Variants in OSBPL3 observed in about 807,000 individuals in gnomAD.
The protein encoded by OSBPL3 is oxysterol-binding protein-related protein 3.
Under a neutral mutation model 120.1 loss-of-function variants are expected in OSBPL3, and 65 were observed. The observed-to-expected ratio is 0.54, with a 90% CI of 0.44 to 0.67. OSBPL3 has a LOEUF of 0.67. Ranked by LOEUF, OSBPL3 falls within the 30% of genes least tolerant of loss-of-function variation. The probability of loss-of-function intolerance (pLI) is 0.00; values close to 1 mark genes in which losing one functional copy is unlikely to be tolerated. For synonymous variants in OSBPL3, 416 were observed against 402.6 expected (o/e 1.03, Z -0.40); for missense variants, 1,004 against 1,082.1 (o/e 0.93, Z 1.01).
intron 5 of OSBPL3, among the ~76,000 whole-genome samples, chr7:24,869,448 T>C (rs1334952764): frequency 3.9e-5 from 6 of 152,214 alleles, no homozygotes; most frequent in South Asian, 2.1e-4. Flanking sequence ...TCTTAAGATA[T>C]AGGCTTTTCC....
intron 1 of OSBPL3, among the ~76,000 whole-genome samples, chr7:24,921,485 T>G (rs1810377189): frequency 6.6e-6 from 1 of 152,226 alleles, no homozygotes; most frequent in South Asian, 2.1e-4. Context: ...TTTGGTCATG[T>G]GCCCAGGCCA....
At position 24,979,963 on chromosome 7, in the gene OSBPL3, G is replaced by A. The variant is rs1480647506; in HGVS notation, c.-227C>T. The A allele has an allele frequency of 2.2e-5, 22 of 983,556 alleles. No homozygotes were observed. The South Asian group carries it at 6.1e-4, about 27-fold the overall frequency. The allele number at this position is 983,556 out of a possible 1,614,324, so 60.9% of individuals were successfully genotyped here. ...GGGTTAGCGCACAGAACCGGGAGAA[G>A]GCAACCCCGGCTTCTCCGGTACCCC... On this transcript the variant is annotated 5_prime_UTR_variant, in exon 1 of 23. Coordinates refer to ENST00000313367, the MANE Select transcript of OSBPL3 (RefSeq NM_015550.4).
At position 24,922,723 on chromosome 7, in the gene OSBPL3, GA is replaced by G. The variant is rs759505103; in HGVS notation, c.-149-30103del. On this transcript the variant is annotated intron_variant, in intron 1 of 22. Coordinates refer to ENST00000313367, the MANE Select transcript of OSBPL3 (RefSeq NM_015550.4). The surrounding 1 kb of genome is among the most constrained non-coding windows in gnomAD (Gnocchi z 4.3). Reference sequence around the variant, plus strand: ...ACCACCTGCTTCACAGCCTTGCTATGAACTCTGTTCTTTGCACGTAATCCCC... The same window carrying G: ...ACCACCTGCTTCACAGCCTTGCTATGACTCTGTTCTTTGCACGTAATCCCC... 1.3e-5 allele frequency among the ~76,000 whole-genome samples: 2 copies of G among 152,082 alleles called. No individual in the cohort carries two copies. Among genetic ancestry groups the G allele is most frequent in the Non-Finnish European group, 2.9e-5 (2 of 68,024 alleles).
At chr7:24,956,142 G>A (rs1001883130) in intron 1 of OSBPL3, among the ~76,000 whole-genome samples, 2 of 152,218 alleles carry the variant, frequency 1.3e-5, no homozygotes, top group Non-Finnish European at 2.9e-5. Context: ...GGATGTGAAC[G>A]CAGTGCTGAT....
In OSBPL3 at chr7:24,871,977, C is replaced by T; in HGVS notation, c.189G>A (p.Lys63=). Residue 63 remains lysine (K), a synonymous_variant, in exon 3 of 23, where the codon AAG becomes AAA. Coordinates refer to ENST00000313367, the MANE Select transcript of OSBPL3 (RefSeq NM_015550.4). This position sits in a 1 kb window ranked among gnomAD's most constrained non-coding sequence, Gnocchi z 4.8. The part of the protein sequence containing the change: ...VQKGFLLKKR[K]WPLKGWHKRF... ...CCTTATGCCAGCCTTTTAAGGGCCA[C>T]TTCCTCTTTTTCAGCAAAAATCCTT... is the stretch of plus-strand genomic sequence containing the variant. 2 of 1,613,596 alleles carry T rather than the reference C, an allele frequency of 1.2e-6. No homozygotes were observed. Among genetic ancestry groups the T allele is most frequent in the South Asian group, 1.1e-5 (1 of 91,068 alleles).
In OSBPL3 at chr7:24,834,034, A is replaced by C. The variant is rs1796694960; in HGVS notation, c.1746+452T>G. 1 of 891,638 alleles carries C rather than the reference A, an allele frequency of 1.1e-6. No individual in the cohort carries two copies. The highest frequency in any genetic ancestry group is 5.1e-5 in the South Asian group (1 of 19,492). The allele number at this position is 891,638 out of a possible 1,614,324, so 55.2% of individuals were successfully genotyped here. On this transcript the variant is annotated intron_variant, in intron 15 of 22. Transcript: ENST00000313367. This position sits in a 1 kb window ranked among gnomAD's most constrained non-coding sequence, Gnocchi z 5.2. ...GAACTTTATTTTCCAAAAACCTAGG[A>C]GCTGATGGGACAATTCCAGAAATAA... is the stretch of plus-strand genomic sequence containing the variant.
chr7:24,834,532 T>TCGCTGTACTCC lies in OSBPL3; in HGVS notation c.1689_1699dup (p.Glu567GlyfsTer89). ...AATCTGCGCGGCCTTGTCCAGGAGC[T>TCGCTGTACTCC]CGCTGTACTCCAGCTCCTCGCAGAG... On this transcript the variant is annotated frameshift_variant, in exon 15 of 23. Transcript: ENST00000313367. LOFTEE classifies it high-confidence loss of function. The surrounding 1 kb of genome is among the most constrained non-coding windows in gnomAD (Gnocchi z 5.2). The TCGCTGTACTCC allele has an allele frequency of 6.2e-7, 1 of 1,614,002 alleles. No homozygotes were observed. The highest frequency in any genetic ancestry group is 8.5e-7 in the Non-Finnish European group (1 of 1,179,942).
At chr7:24,904,831 G>C (rs1807621147) in intron 1 of OSBPL3, among the ~76,000 whole-genome samples, 1 of 151,520 alleles carries the variant, frequency 6.6e-6, no homozygotes, top group Non-Finnish European at 1.5e-5. Context: ...AAGAATGGTG[G>C]CTGTCAGGGG....
At chr7:24,836,672 T>C (rs1435296076) in intron 14 of OSBPL3, among the ~76,000 whole-genome samples, 2 of 152,098 alleles carry the variant, frequency 1.3e-5, no homozygotes, top group Admixed American at 6.5e-5. Context: ...ACTTTGTTGA[T>C]ATATATTTTA....
At chr7:24,910,426 C>G (rs899339949) in intron 1 of OSBPL3, among the ~76,000 whole-genome samples, 3 of 152,130 alleles carry the variant, frequency 2.0e-5, no homozygotes, top group African/African-American at 7.2e-5. Context: ...TCCTTCAACA[C>G]CTTACAAGGA....
rs1380903088 is a variant in OSBPL3 at position 24,796,907 on chromosome 7, T to C, written c.*3276A>G. Reference sequence around the variant, plus strand: ...CAGAGGAAAATAGAGCAAATGAAAATAGCTATCATCTGGTAGCAAAAATAG... The same window carrying C: ...CAGAGGAAAATAGAGCAAATGAAAACAGCTATCATCTGGTAGCAAAAATAG... On this transcript the variant is annotated 3_prime_UTR_variant, in exon 23 of 23. Transcript: ENST00000313367. The surrounding 1 kb of genome is among the most constrained non-coding windows in gnomAD (Gnocchi z 5.2). The C allele has an allele frequency of 2.0e-5, 3 of 152,176 alleles. No individual in the cohort carries two copies. 9.4% of individuals were successfully genotyped at this position (152,176 alleles called of 1,614,324 possible).
chr7:24,820,350 G>A lies in OSBPL3; in HGVS notation c.1885-112C>T, dbSNP rs562751536. 2 of 732,818 alleles carry A rather than the reference G, an allele frequency of 2.7e-6. No homozygotes were observed. Among genetic ancestry groups the A allele is most frequent in the Admixed American group, 4.8e-5 (2 of 41,710 alleles). The allele number at this position is 732,818 out of a possible 1,614,324, so 45.4% of individuals were successfully genotyped here. On this transcript the variant is annotated intron_variant, in intron 16 of 22. Coordinates refer to ENST00000313367, the MANE Select transcript of OSBPL3 (RefSeq NM_015550.4). This position sits in a 1 kb window ranked among gnomAD's most constrained non-coding sequence, Gnocchi z 4.6. The stretch of plus-strand genomic sequence containing the variant: ...TAACAGCGTGCAATGCTGAACTGAA[G>A]GAAAAACTTCTTTAGTTTCCCTCAT...
rs1234774591 is a variant in OSBPL3, at chr7:24,879,163, G to A, written c.97-7094C>T. On this transcript the variant is annotated intron_variant, in intron 2 of 22. Coordinates refer to ENST00000313367, the MANE Select transcript of OSBPL3 (RefSeq NM_015550.4). The surrounding 1 kb of genome is among the most constrained non-coding windows in gnomAD (Gnocchi z 5.6). ...GGTCACCTGGCAGAGGCACCACAGA[G>A]AAGATTCCAAGACTGGCAGGGAGTT... Among the ~76,000 whole-genome samples, 1 of 152,220 alleles carries A rather than the reference G, an allele frequency of 6.6e-6. No homozygotes were observed. The highest frequency in any genetic ancestry group is 1.5e-5 in the Non-Finnish European group (1 of 68,040).
In OSBPL3 at chr7:24,871,297, T is replaced by C. The variant is rs1268748309; in HGVS notation, c.267+445A>G. ...GAGGAAGAAGGGAGAAGAGTAGGAC[T>C]CCTACAAGGGACAGGACAAATGGTC... On this transcript the variant is annotated intron_variant, in intron 4 of 22. Coordinates refer to ENST00000313367, the MANE Select transcript of OSBPL3 (RefSeq NM_015550.4). The surrounding 1 kb of genome is among the most constrained non-coding windows in gnomAD (Gnocchi z 4.8). 6.6e-6 allele frequency among the ~76,000 whole-genome samples: 1 copy of C among 152,148 alleles called. No individual in the cohort carries two copies. The highest frequency in any genetic ancestry group is 2.4e-5 in the African/African-American group (1 of 41,424).
At chr7:24,935,477 T>C (rs953654946) in intron 1 of OSBPL3, among the ~76,000 whole-genome samples, 1 of 152,150 alleles carries the variant, frequency 6.6e-6, no homozygotes, top group African/African-American at 2.4e-5. Context: ...ACAAACAAGA[T>C]ACAGAATTGT....
intron 16 of OSBPL3, among the ~76,000 whole-genome samples, chr7:24,829,499 G>A (rs1162149779): frequency 1.8e-4 from 27 of 152,062 alleles, no homozygotes; most frequent in Admixed American, 1.8e-3. Flanking sequence ...GCCAACCCAC[G>A]CTTCCCCTCC....
chr7:24,861,841 T>A (rs1040856848), intron 9 of OSBPL3, 72 bp from the exon 10 acceptor site: 2 of 1,082,066 alleles, frequency 1.8e-6, no homozygotes, highest in Admixed American at 5.0e-5. Flanking sequence ...GATTCTAAGA[T>A]TGAAACATGG....
At position 24,871,700 on chromosome 7, in the gene OSBPL3, T is replaced by C. The variant is rs200590091; in HGVS notation, c.267+42A>G. 2 of 1,454,354 alleles carry C rather than the reference T, an allele frequency of 1.4e-6. No individual in the cohort carries two copies. Among genetic ancestry groups the C allele is most frequent in the African/African-American group, 1.4e-5 (1 of 71,518 alleles). 90.1% of individuals were successfully genotyped at this position (1,454,354 alleles called of 1,614,324 possible). On this transcript the variant is annotated intron_variant, in intron 4 of 22. Coordinates refer to ENST00000313367, the MANE Select transcript of OSBPL3 (RefSeq NM_015550.4). The surrounding 1 kb of genome is among the most constrained non-coding windows in gnomAD (Gnocchi z 4.8). ...ATCTCTGAGCTGATGGTTACCCCTT[T>C]AGGATTCTTCAATACCACAGTGGGC...
In OSBPL3 at chr7:24,884,423, G is replaced by A. The variant is rs1472818189; in HGVS notation, c.96+7954C>T. Among the ~76,000 whole-genome samples the A allele has an allele frequency of 7.9e-5, 12 of 152,236 alleles. No homozygotes were observed. The East Asian group carries it at 2.3e-3, about 29-fold the overall frequency. The stretch of plus-strand genomic sequence containing the variant: ...ACTGAGTTGTGCTGAGACTCCAAAG[G>A]GTAGCATGAAAGGATATTATGAGCT... On this transcript the variant is annotated intron_variant, in intron 2 of 22. Coordinates refer to ENST00000313367, the MANE Select transcript of OSBPL3 (RefSeq NM_015550.4).
Sources: gnomAD v4.1 joint callset for allele counts (sites outside exome capture counted in the v4.1 genomes callset) on GRCh38, gnomAD v4.1.1 for gene constraint, Gnocchi (gnomAD v3.1) non-coding constraint, MANE v1.5 for transcripts, NCBI Gene and HGNC (gene_info 2026-07-23, HGNC 2026-07-21) for gene names.